Variants in CTSC observed in about 807,000 individuals in gnomAD.
CTSC encodes cathepsin C.
In CTSC, 37 loss-of-function variants were observed where a neutral mutation model predicts 40.9. The observed-to-expected ratio is 0.91, with a 90% CI of 0.70 to 1.19. CTSC has a LOEUF of 1.19. CTSC is among the 50% of genes most tolerant of loss of function. The pLI, the probability that CTSC is intolerant of heterozygous loss-of-function variation, is 0.00. For synonymous variants in CTSC, 232 were observed against 207.4 expected (o/e 1.12, Z -1.02); for missense variants, 594 against 567.3 (o/e 1.05, Z -0.48).
Position 88,337,720 on chromosome 11 carries a change from C to A in CTSC, c.-48G>T, listed in dbSNP as rs200415443. On this transcript the variant is annotated 5_prime_UTR_variant, in exon 1 of 7. Coordinates refer to ENST00000227266, the MANE Select transcript of CTSC (RefSeq NM_001814.6). ...GGTGAAGAATTACCAGGAAGCCGAG[C>A]GCTGCGGGCTAGCGGTGAGTCCACC... 1.7e-5 allele frequency: 26 copies of A among 1,547,942 alleles called. No homozygotes were observed. Among genetic ancestry groups the A allele is most frequent in the Non-Finnish European group, 2.2e-5 (25 of 1,145,268 alleles).
intron 4 of CTSC, among the ~76,000 whole-genome samples, chr11:88,302,639 AAAAAAAAAAAAAG>A (rs1944380319): frequency 6.6e-6 from 1 of 150,774 alleles, no homozygotes; most frequent in Non-Finnish European, 1.5e-5. Flanking sequence ...AAAAAAAAAA[AAAAAAAAAAAAAG>A]AATACATGAC....
rs1015444497 is a variant in CTSC at position 88,293,817 on chromosome 11, A to G, written c.*189T>C. 1.8e-5 allele frequency: 12 copies of G among 659,516 alleles called. No individual in the cohort carries two copies. Among genetic ancestry groups the G allele is most frequent in the African/African-American group, 1.6e-4 (9 of 55,094 alleles). 40.9% of individuals were successfully genotyped at this position (659,516 alleles called of 1,614,324 possible). On this transcript the variant is annotated 3_prime_UTR_variant, in exon 7 of 7. Transcript: ENST00000227266. ...AATTCCCACTTAATTGAATACTTAG[A>G]AAAAAATGGCCAGTGGCCGATTGAA... is the stretch of plus-strand genomic sequence containing the variant.
In CTSC at chr11:88,337,711, G is replaced by C. The variant is rs920101575; in HGVS notation, c.-39C>G. On this transcript the variant is annotated 5_prime_UTR_variant, in exon 1 of 7. Transcript: ENST00000227266. ...GAGAAAAGAGGTGAAGAATTACCAG[G>C]AAGCCGAGCGCTGCGGGCTAGCGGT... 28 of 1,551,046 alleles carry C rather than the reference G, an allele frequency of 1.8e-5. No homozygotes were observed. The highest frequency in any genetic ancestry group is 2.4e-5 in the Non-Finnish European group (28 of 1,147,202).
chr11:88,309,258 C>A lies in CTSC; in HGVS notation c.546G>T (p.Gln182His). Residue 182 changes from glutamine (Q) to histidine (H), a missense_variant, in exon 4 of 7, where the codon CAG (glutamine) becomes CAT (histidine). Physicochemically the swap from Gln to His is conservative, Grantham distance 24. Coordinates refer to ENST00000227266, the MANE Select transcript of CTSC (RefSeq NM_001814.6). Reference protein sequence around the residue: ...HNFVKAINAIQKSWTATTYME... With the variant: ...HNFVKAINAIHKSWTATTYME... The stretch of plus-strand genomic sequence containing the variant: ...TGTATGTAGTTGCAGTCCAAGACTT[C>A]TGAATGGCATTGATAGCTTTCACAA... 6.2e-7 allele frequency: 1 copy of A among 1,613,772 alleles called. No homozygotes were observed. The highest frequency in any genetic ancestry group is 1.1e-5 in the South Asian group (1 of 91,076).
At chr11:88,317,087 C>T (rs1399402992) in intron 2 of CTSC, among the ~76,000 whole-genome samples, 15 of 152,258 alleles carry the variant, frequency 9.9e-5, no homozygotes, top group Admixed American at 3.9e-4. Flanking sequence ...CTGCCTCAGC[C>T]GCCTGAGTAG....
intron 4 of CTSC, among the ~76,000 whole-genome samples, chr11:88,307,989 T>C (rs1448292885): frequency 6.6e-6 from 1 of 152,172 alleles, no homozygotes; most frequent in Non-Finnish European, 1.5e-5. Flanking sequence ...CTCCCAGAAC[T>C]TGGTATAAGA....
chr11:88,325,033 C>T (rs987667054), intron 2 of CTSC: 16 of 984,998 alleles, frequency 1.6e-5, no homozygotes, highest in Non-Finnish European at 1.4e-5. Context: ...GAGGAAAGTC[C>T]ACCCAGACAA....
Position 88,300,312 on chromosome 11 carries a change from C to A in CTSC, c.757+218G>T, listed in dbSNP as rs1944344838. Among the ~76,000 whole-genome samples, 3 of 152,124 alleles carry A rather than the reference C, an allele frequency of 2.0e-5. 1 individual carries two copies. The South Asian group carries it at 6.2e-4, about 31-fold the overall frequency. On this transcript the variant is annotated intron_variant, in intron 5 of 6. Transcript: ENST00000227266. ...CCTGGAAAATATATTGAGAAGAGTA[C>A]TGAATAAATGCTAAGCTCAGTAGAA...
At position 88,293,910 on chromosome 11, in the gene CTSC, GC is replaced by G; in HGVS notation, c.*95del. On this transcript the variant is annotated 3_prime_UTR_variant, in exon 7 of 7. Transcript: ENST00000227266. ...TATCTTCATGGAAATCTATTTGTAA[GC>G]TTCTGAGATTGCTGCTGAAAGTCTA... 7.4e-7 allele frequency: 1 copy of G among 1,356,954 alleles called. No individual in the cohort carries two copies. The highest frequency in any genetic ancestry group is 1.0e-6 in the Non-Finnish European group (1 of 957,428). The allele number at this position is 1,356,954 out of a possible 1,614,324, so 84.1% of individuals were successfully genotyped here.
chr11:88,300,453 G>A lies in CTSC; in HGVS notation c.757+77C>T, dbSNP rs115099408. ...ATGCCCATTCCATCTAGGTATCCCC[G>A]AAATCCATCACACAGAGCAACTGTT... On this transcript the variant is annotated intron_variant, in intron 5 of 6. Transcript: ENST00000227266. 1,882 of 897,278 alleles carry A rather than the reference G, an allele frequency of 2.1e-3. 24 individuals are homozygous for A. In the African/African-American group the frequency reaches 0.024, roughly 12 times the overall value. The allele number at this position is 897,278 out of a possible 1,614,324, so 55.6% of individuals were successfully genotyped here. A position where few individuals can be genotyped will look rare whatever the true frequency, so the allele number is the denominator to read the frequency against.
intron 2 of CTSC, chr11:88,325,545 T>A (rs1187171545): frequency 1.0e-6 from 1 of 985,316 alleles, no homozygotes; most frequent in African/African-American, 1.7e-5. Flanking sequence ...AGACAAGTTC[T>A]AGCATTTTAC....
chr11:88,328,757 G>A (rs1049493574), intron 2 of CTSC, among the ~76,000 whole-genome samples: 5 of 151,956 alleles, frequency 3.3e-5, no homozygotes, highest in African/African-American at 1.2e-4. Context: ...CCTCCCAGGT[G>A]GCTGAGACTA....
chr11:88,331,028 C>G (rs1053192678), intron 2 of CTSC, among the ~76,000 whole-genome samples: 2 of 152,164 alleles, frequency 1.3e-5, no homozygotes, highest in African/African-American at 2.4e-5. Flanking sequence ...AAGCAGGAGC[C>G]TAAAAGAATG....
Position 88,294,468 on chromosome 11 carries a change from G to C in CTSC, c.930C>G (p.Tyr310Ter), listed in dbSNP as rs148742372. The change falls in exon 7 of 7, where the codon TAC becomes TAG. Residue 310 changes from tyrosine to a stop codon, truncating the protein, a stop_gained. Coordinates refer to ENST00000227266, the MANE Select transcript of CTSC (RefSeq NM_001814.6). LOFTEE classifies it low-confidence loss of function (END_TRUNC). ...GGFPYLIAGK[Y>*]AQDFGLVEEA... ...CTTCCACCAGCCCAAAATCTTGGGC[G>C]TACTTTCCTGCAATAAGGTATGGGA... 1 of 1,614,006 alleles carries C rather than the reference G, an allele frequency of 6.2e-7. No homozygotes were observed. The highest frequency in any genetic ancestry group is 1.3e-5 in the African/African-American group (1 of 74,924).
At chr11:88,302,625 CAAAAAAAAAAAAA>C (rs139973958) in intron 4 of CTSC, among the ~76,000 whole-genome samples, 2 of 80,052 alleles carry the variant, frequency 2.5e-5, no homozygotes, top group Non-Finnish European at 2.3e-5. Flanking sequence ...GACTCCGCCT[CAAAAAAAAAAAAA>C]AAAAAAAAAA....
chr11:88,316,872 G>A (rs1306409189), intron 2 of CTSC, among the ~76,000 whole-genome samples: 1 of 152,138 alleles, frequency 6.6e-6, no homozygotes, highest in Non-Finnish European at 1.5e-5. Flanking sequence ...CCTCTCCAAA[G>A]CTGCTTCCCT....
At chr11:88,336,240 A>C (rs1172728633) in intron 1 of CTSC, among the ~76,000 whole-genome samples, 1 of 8,118 alleles carries the variant, frequency 1.2e-4, no homozygotes, top group Non-Finnish European at 2.4e-4. Context: ...CTCAAATTTA[A>C]AAAAAAAAAA....
rs189919778 is a variant in CTSC, at chr11:88,304,424, A to G, written c.642-3779T>C. Among the ~76,000 whole-genome samples the G allele has an allele frequency of 1.8e-4, 27 of 152,344 alleles. No homozygotes were observed. In the East Asian group the frequency reaches 5.0e-3, roughly 28 times the overall value. ...TCTGGCACAAAACAGTCATTACAATATTAAGTTCCTTTTTTCTACCATCCT... is the reference window on the plus strand; with the variant it reads ...TCTGGCACAAAACAGTCATTACAATGTTAAGTTCCTTTTTTCTACCATCCT... On this transcript the variant is annotated intron_variant, in intron 4 of 6. Transcript: ENST00000227266.
At position 88,326,526 on chromosome 11, in the gene CTSC, T is replaced by TAAA. The variant is rs3837397; in HGVS notation, c.318+8408_318+8410dup. 1.4e-3 allele frequency: 969 copies of TAAA among 668,382 alleles called. 1 individual carries two copies. Among genetic ancestry groups the TAAA allele is most frequent in the South Asian group, 4.6e-3 (247 of 54,142 alleles). The allele number at this position is 668,382 out of a possible 1,614,324, so 41.4% of individuals were successfully genotyped here. A position where few individuals can be genotyped will look rare whatever the true frequency, so the allele number is the denominator to read the frequency against. On this transcript the variant is annotated intron_variant, in intron 2 of 6. Transcript: ENST00000227266. The stretch of plus-strand genomic sequence containing the variant: ...ATTTAATCATATCAGTTTCTTTAAG[T>TAAA]AAAAAAAAAAAAAAATACCAGCACT...
Sources: gnomAD v4.1 joint callset for allele counts (sites outside exome capture counted in the v4.1 genomes callset) on GRCh38, gnomAD v4.1.1 for gene constraint, MANE v1.5 for transcripts, NCBI Gene and HGNC (gene_info 2026-07-23, HGNC 2026-07-21) for gene names.